The following NAV2 variants were observed in gnomAD, a reference collection of about 807,000 sequenced individuals.
The protein encoded by NAV2 is helicase, APC down-regulated 1.
NAV2 carries 54 observed loss-of-function variants against 223.2 expected under a neutral mutation model. The ratio of observed to expected loss-of-function variants is 0.24; its 90% CI spans 0.19 to 0.30. The LOEUF (loss-of-function observed/expected upper bound fraction) is 0.30. Among genes scored for constraint, NAV2 ranks in the 10% least tolerant of loss-of-function variants. NAV2 has a pLI of 1.00. For synonymous variants in NAV2, 1,279 were observed against 1,239.3 expected, an observed-to-expected ratio of 1.03 and a Z score of -0.67; for missense variants, 2,806 against 3,147.5, an observed-to-expected ratio of 0.89 and a Z score of 2.60.
intron 1 of NAV2, among the ~76,000 whole-genome samples, chr11:19,634,730 A>G (rs367691791): frequency 2.6e-5 from 4 of 152,214 alleles, no homozygotes; most frequent in Admixed American, 6.5e-5. Flanking sequence ...AACATTTCAC[A>G]GGTTAGGTAC....
intron 1 of NAV2, among the ~76,000 whole-genome samples, chr11:19,792,193 C>G (rs1341355133): frequency 6.6e-6 from 1 of 152,222 alleles, no homozygotes; most frequent in African/African-American, 2.4e-5. Context: ...CACACATATA[C>G]TTAGGTCCAG....
rs543941749 is a variant in NAV2 at position 19,585,999 on chromosome 11, C to T, written c.75+234972C>T. Among the ~76,000 whole-genome samples, 26 of 152,268 alleles carry T rather than the reference C, an allele frequency of 1.7e-4. No homozygotes were observed. In the South Asian group the frequency reaches 2.3e-3, roughly 13 times the overall value. ...TTTTCCAACTTTGTTCCATTCTCTC[C>T]GTCAGTTTCAGGTACACCAATCAGA... On this transcript the variant is annotated intron_variant, in intron 1 of 37. Transcript: ENST00000360655.
intron 1 of NAV2, among the ~76,000 whole-genome samples, chr11:19,695,704 T>C (rs555631379): frequency 6.6e-6 from 1 of 151,976 alleles, no homozygotes; most frequent in African/African-American, 2.4e-5. Flanking sequence ...AGGAGTTCAA[T>C]ACCAGCCTGG....
intron 12 of NAV2, among the ~76,000 whole-genome samples, chr11:20,042,084 G>A (rs983094300): frequency 1.3e-5 from 2 of 152,178 alleles, no homozygotes; most frequent in African/African-American, 2.4e-5. Flanking sequence ...CCTCCGTGGT[G>A]CCTGGCAGAC....
chr11:19,422,971 C>T (rs1850679411), intron 1 of NAV2, among the ~76,000 whole-genome samples: 1 of 152,170 alleles, frequency 6.6e-6, no homozygotes, highest in South Asian at 2.1e-4. Flanking sequence ...CTAAAAGAGT[C>T]AAAAACTGTG....
At chr11:19,375,954 A>G (rs1848628764) in intron 1 of NAV2, among the ~76,000 whole-genome samples, 1 of 152,222 alleles carries the variant, frequency 6.6e-6, no homozygotes, top group Non-Finnish European at 1.5e-5. Flanking sequence ...GAAAGAGACT[A>G]GGCAAAAGGA....
At chr11:19,833,751 A>G (rs2060078128) in intron 2 of NAV2, among the ~76,000 whole-genome samples, 1 of 152,022 alleles carries the variant, frequency 6.6e-6, no homozygotes, top group East Asian at 1.9e-4. Context: ...TCTCATCTGG[A>G]GGCTTAACTG....
intron 1 of NAV2, among the ~76,000 whole-genome samples, chr11:19,751,339 T>C (rs1223048224): frequency 1.3e-5 from 2 of 152,118 alleles, no homozygotes; most frequent in African/African-American, 4.8e-5. Context: ...CATTTACTCT[T>C]AGACTGGAGA....
intron 1 of NAV2, among the ~76,000 whole-genome samples, chr11:19,389,051 C>T (rs2133200122): frequency 6.6e-6 from 1 of 152,336 alleles, no homozygotes. Flanking sequence ...TACCAGCCTC[C>T]TCTCTCCGGC....
chr11:19,606,726 C>T (rs1325852999), intron 1 of NAV2, among the ~76,000 whole-genome samples: 2 of 152,252 alleles, frequency 1.3e-5, no homozygotes, highest in Admixed American at 6.5e-5. Context: ...AGAGATATGA[C>T]ACCCAGAACA....
At chr11:19,735,899 G>A (rs1299169040) in intron 1 of NAV2, among the ~76,000 whole-genome samples, 2 of 152,216 alleles carry the variant, frequency 1.3e-5, no homozygotes, top group Middle Eastern at 3.2e-3. Flanking sequence ...GGGGAGGAAG[G>A]AGCTAGAATG....
At chr11:19,706,983 G>A (rs2049684068) in intron 1 of NAV2, among the ~76,000 whole-genome samples, 1 of 152,102 alleles carries the variant, frequency 6.6e-6, no homozygotes, top group Non-Finnish European at 1.5e-5. Flanking sequence ...ACAACACAAT[G>A]GTATTTGTGT....
intron 12 of NAV2, among the ~76,000 whole-genome samples, chr11:20,043,688 C>T (rs959644488): frequency 2.0e-5 from 3 of 152,140 alleles, no homozygotes; most frequent in East Asian, 1.9e-4. Flanking sequence ...GTGATCCTCC[C>T]GCCTCAGCCT....
chr11:19,583,235 G>A (rs550273254), intron 1 of NAV2, among the ~76,000 whole-genome samples: 103 of 152,312 alleles, frequency 6.8e-4, no homozygotes, highest in African/African-American at 2.4e-3. Context: ...TTTGTATCCT[G>A]AGACTTTGCT....
intron 1 of NAV2, among the ~76,000 whole-genome samples, chr11:19,487,537 A>G (rs1286120859): frequency 6.6e-6 from 1 of 152,178 alleles, no homozygotes; most frequent in African/African-American, 2.4e-5. Flanking sequence ...TGTGACTTGC[A>G]TCCTGCGGAA....
chr11:19,563,615 GC>G (rs1427980359), intron 1 of NAV2, among the ~76,000 whole-genome samples: 13 of 152,128 alleles, frequency 8.5e-5, no homozygotes, highest in Non-Finnish European at 1.8e-4. Context: ...TGAGTCCTGG[GC>G]TTTATTTACC....
chr11:19,461,090 C>T (rs1852141277), intron 1 of NAV2, among the ~76,000 whole-genome samples: 1 of 152,176 alleles, frequency 6.6e-6, no homozygotes, highest in Non-Finnish European at 1.5e-5. Context: ...CCAGCACTTT[C>T]CCATTTGGCT....
chr11:19,387,083 G>T (rs369687317), intron 1 of NAV2, among the ~76,000 whole-genome samples: 49 of 151,988 alleles, frequency 3.2e-4, no homozygotes, highest in African/African-American at 1.1e-3. Context: ...CATTTTCTTG[G>T]TCTCTCATTT....
chr11:19,507,689 A>G (rs1412388851), intron 1 of NAV2, among the ~76,000 whole-genome samples: 1 of 152,230 alleles, frequency 6.6e-6, no homozygotes, highest in South Asian at 2.1e-4. Flanking sequence ...CATGGTTTCT[A>G]TGATGCCGAT....
Sources: allele counts gnomAD v4.1 joint callset (sites outside exome capture counted in the v4.1 genomes callset), GRCh38; gene constraint gnomAD v4.1.1; transcripts MANE v1.5; gene names NCBI Gene and HGNC (gene_info 2026-07-23, HGNC 2026-07-21).